BIN2: variants seen among roughly 807,000 people sequenced by gnomAD.
BIN2 encodes breast cancer associated protein BRAP1.
In BIN2, 43 loss-of-function variants were observed where a neutral mutation model predicts 67.9. The observed-to-expected ratio is 0.63, with a 90% CI of 0.50 to 0.82. BIN2 has a LOEUF of 0.82. Ranked by LOEUF, BIN2 falls within the 40% of genes least tolerant of loss-of-function variation. The probability of loss-of-function intolerance (pLI) is 0.00; values close to 1 mark genes in which losing one functional copy is unlikely to be tolerated. For missense variants in BIN2, 581 were observed against 671.6 expected, an observed-to-expected ratio of 0.87 and a Z score of 1.49; for synonymous variants, 244 against 246.8, an observed-to-expected ratio of 0.99 and a Z score of 0.11.
intron 1 of BIN2, chr12:51,323,156 CCTCGCTCTTTCTTCT>C (rs1291887463): frequency 6.6e-6 from 1 of 152,168 alleles, no homozygotes; most frequent in African/African-American, 2.4e-5. Flanking sequence ...GTCTTTCTTC[CCTCGCTCTTTCTTCT>C]GGCTGACATG....
chr12:51,318,644 G>C (rs1044905478), intron 1 of BIN2, among the ~76,000 whole-genome samples: 3 of 152,192 alleles, frequency 2.0e-5, no homozygotes, highest in Non-Finnish European at 4.4e-5. Flanking sequence ...GAGTTAGACA[G>C]ATATGGGCTC....
Position 51,291,916 on chromosome 12 carries a change from C to A in BIN2, c.1190G>T (p.Gly397Val), listed in dbSNP as rs1280868924. ...VVLRTRTASE[G>V]SEQPKKRASI... The stretch of plus-strand genomic sequence containing the variant: ...GGCTCTCTTCTTTGGTTGTTCAGAT[C>A]CTTCACTTGCGGTGCGGGTTCGGAG... Residue 397 changes from glycine to valine, a missense_variant, in exon 10 of 13, where the codon GGA becomes GTA. Coordinates refer to ENST00000615107, the MANE Select transcript of BIN2 (RefSeq NM_016293.4). 1 of 1,614,146 alleles carries A rather than the reference C, an allele frequency of 6.2e-7. No homozygotes were observed. Among genetic ancestry groups the A allele is most frequent in the Non-Finnish European group, 8.5e-7 (1 of 1,180,022 alleles).
Position 51,313,698 on chromosome 12 carries a change from A to G in BIN2, c.162+125T>C, listed in dbSNP as rs546226433. 1.9e-5 allele frequency: 16 copies of G among 849,456 alleles called. No homozygotes were observed. The African/African-American group carries it at 2.5e-4, about 13-fold the overall frequency. 52.6% of individuals were successfully genotyped at this position (849,456 alleles called of 1,614,324 possible). On this transcript the variant is annotated intron_variant, in intron 2 of 12. Coordinates refer to ENST00000615107, the MANE Select transcript of BIN2 (RefSeq NM_016293.4). ...AGCAACAGGTCACCCTGTAGCCCTT[A>G]ACCCTAGGGGGAGGGTGGCTTGGTG...
At chr12:51,298,297 G>A (rs1275959366) in intron 7 of BIN2, among the ~76,000 whole-genome samples, 3 of 152,246 alleles carry the variant, frequency 2.0e-5, no homozygotes, top group South Asian at 2.1e-4. Context: ...GCTTGAATCC[G>A]GGAGGTGGAG....
Position 51,313,910 on chromosome 12 carries a change from A to G in BIN2, c.82-7T>C, listed in dbSNP as rs1258906060. ...TCCCCAATTTCTGCAGCACCTAGGG[A>G]TATAAGTCAGAAAGGCCCGTAAGGT... On this transcript the variant is annotated splice_region_variant and splice_polypyrimidine_tract_variant and intron_variant, in intron 1 of 12. Transcript: ENST00000615107. 1.2e-6 allele frequency: 2 copies of G among 1,612,660 alleles called. No homozygotes were observed. The highest frequency in any genetic ancestry group is 8.5e-7 in the Non-Finnish European group (1 of 1,178,708).
chr12:51,288,107 C>A lies in BIN2; in HGVS notation c.1596+1G>T. ...ATGTAGATGACTTAGGCTTTTAGTACCTCCGAGGAGTTAGCTGAGATAAGC... is the reference window on the plus strand; with the variant it reads ...ATGTAGATGACTTAGGCTTTTAGTAACTCCGAGGAGTTAGCTGAGATAAGC... On this transcript the variant is annotated splice_donor_variant, in intron 11 of 12. Transcript: ENST00000615107. LOFTEE classifies it high-confidence loss of function. 8 of 1,608,954 alleles carry A rather than the reference C, an allele frequency of 5.0e-6. No individual in the cohort carries two copies. The highest frequency in any genetic ancestry group is 1.1e-5 in the South Asian group (1 of 90,966).
At chr12:51,304,391 T>C (rs139375934) in intron 2 of BIN2, 1 of 152,422 alleles carries the variant, frequency 6.6e-6, no homozygotes, top group African/African-American at 2.4e-5. Flanking sequence ...TTTCCTCAAT[T>C]GTTCCTTATG....
intron 2 of BIN2, among the ~76,000 whole-genome samples, chr12:51,305,826 C>CTTTTTTTTTTTTTTTTTTTTTTT (rs1168899685): frequency 1.2e-5 from 1 of 82,412 alleles, no homozygotes; most frequent in African/African-American, 4.6e-5. Context: ...TGTTTTCTTT[C>CTTTTTTTTTTTTTTTTTTTTTTT]TTTTTTTTTT....
intron 4 of BIN2, 141 bp from the exon 5 acceptor site, chr12:51,302,256 C>A (rs1195075820): frequency 9.8e-6 from 6 of 614,630 alleles, no homozygotes; most frequent in Non-Finnish European, 1.7e-5. Flanking sequence ...GGGGACTAGT[C>A]AGAGGAAGAA....
chr12:51,311,070 T>G (rs140610147), intron 2 of BIN2, among the ~76,000 whole-genome samples: 5 of 150,706 alleles, frequency 3.3e-5, no homozygotes, highest in African/African-American at 1.2e-4. Context: ...TTTAAATTCA[T>G]TTCTTTCTTT....
intron 2 of BIN2, among the ~76,000 whole-genome samples, chr12:51,311,844 T>C (rs936220330): frequency 2.6e-5 from 4 of 152,076 alleles, no homozygotes; most frequent in Admixed American, 6.6e-5. Context: ...CGATCTTGGC[T>C]CACTGCAACT....
rs147443200 is a variant in BIN2 at position 51,292,149 on chromosome 12, C to T, written c.957G>A (p.Glu319=). ...NSEIKELLEE[E]EIEKEGSEAS... ...CTTCAGATCCTTCCTTCTCTATTTC[C>T]TCCTCTTCTAAGAGCTCCTTGATCT... Residue 319 remains glutamate (E), a synonymous_variant, in exon 10 of 13, where the codon GAG becomes GAA. Transcript: ENST00000615107. 9.9e-6 allele frequency: 16 copies of T among 1,613,894 alleles called. No individual in the cohort carries two copies. Among genetic ancestry groups the T allele is most frequent in the Non-Finnish European group, 1.4e-5 (16 of 1,180,018 alleles).
chr12:51,299,397 T>A, intron 6 of BIN2, 109 bp from the exon 7 acceptor site: 1 of 1,095,446 alleles, frequency 9.1e-7, no homozygotes, highest in Non-Finnish European at 1.4e-6. Context: ...TTAGGAGCCA[T>A]CCCTCTTCTT....
intron 12 of BIN2, among the ~76,000 whole-genome samples, chr12:51,282,873 G>C (rs1391843844): frequency 6.6e-6 from 1 of 151,646 alleles, no homozygotes; most frequent in Non-Finnish European, 1.5e-5. Flanking sequence ...CAAAGTGCTG[G>C]GATTACTGGC....
chr12:51,291,869 G>T lies in BIN2; in HGVS notation c.1237C>A (p.Pro413Thr). ...KRASIQRTSAPPSRPPPPRAT... is the reference protein window; with the variant it reads ...KRASIQRTSATPSRPPPPRAT... ...CTGGGTGGAGGAGGCCTACTAGGGG[G>T]TGCTGAGGTCCTCTGGATAGAGGCT... Residue 413 changes from proline to threonine, a missense_variant, in exon 10 of 13, where the codon CCC (proline) becomes ACC (threonine). Pro to Thr is a conservative substitution (Grantham distance 38). Transcript: ENST00000615107. The T allele has an allele frequency of 1.2e-6, 2 of 1,614,200 alleles. No homozygotes were observed. The highest frequency in any genetic ancestry group is 1.7e-6 in the Non-Finnish European group (2 of 1,180,030).
intron 11 of BIN2, among the ~76,000 whole-genome samples, chr12:51,286,651 C>T (rs74465662): frequency 0.087 from 13,192 of 152,164 alleles, 608 homozygotes; most frequent in Non-Finnish European, 0.11. Flanking sequence ...GAAATCAATT[C>T]AACCATTGAG....
intron 1 of BIN2, among the ~76,000 whole-genome samples, chr12:51,323,494 G>A (rs1946343093): frequency 6.6e-6 from 1 of 152,172 alleles, no homozygotes; most frequent in Admixed American, 6.5e-5. Flanking sequence ...GCTTACGTCA[G>A]CTGAAACACC....
At chr12:51,292,390 G>A (rs766340732) in intron 9 of BIN2, 46 bp from the exon 10 acceptor site, 7 of 1,502,520 alleles carry the variant, frequency 4.7e-6, no homozygotes, top group South Asian at 1.3e-5. Context: ...AAAACCAGAA[G>A]CAATGTAAAT....
chr12:51,301,448 G>A (rs1229984187), intron 5 of BIN2, among the ~76,000 whole-genome samples: 1 of 152,080 alleles, frequency 6.6e-6, no homozygotes, highest in Non-Finnish European at 1.5e-5. Context: ...TAAAAGGGAT[G>A]CCTCTAACTT....
Sources: allele counts gnomAD v4.1 joint callset (sites outside exome capture counted in the v4.1 genomes callset), GRCh38; gene constraint gnomAD v4.1.1; transcripts MANE v1.5; gene names NCBI Gene and HGNC (gene_info 2026-07-23, HGNC 2026-07-21).